Variants in GAP43 observed in about 807,000 individuals in gnomAD.
GAP43 encodes neuromodulin.
In GAP43, 6 loss-of-function variants were observed where a neutral mutation model predicts 18.6. That is an observed-to-expected ratio of 0.32 (90% CI 0.18 to 0.64). The LOEUF (loss-of-function observed/expected upper bound fraction) is 0.64. GAP43 is among the 30% of genes least tolerant of loss of function. The pLI, the probability that GAP43 is intolerant of heterozygous loss-of-function variation, is 0.78. For synonymous variants in GAP43, 115 were observed against 111.4 expected (o/e 1.03, Z -0.20); for missense variants, 292 against 295.5 (o/e 0.99, Z 0.09).
intron 1 of GAP43, among the ~76,000 whole-genome samples, chr3:115,649,622 G>C (rs1366653706): frequency 6.6e-6 from 1 of 151,898 alleles, no homozygotes; most frequent in Non-Finnish European, 1.5e-5. Flanking sequence ...AAAGGAAAAA[G>C]AAGAGGACAA....
chr3:115,690,223 C>T (rs28399398), intron 2 of GAP43, among the ~76,000 whole-genome samples: 3 of 150,346 alleles, frequency 2.0e-5, no homozygotes, highest in African/African-American at 4.9e-5. Flanking sequence ...GAGACCCCCC[C>T]GCCACCCCCT....
Position 115,644,357 on chromosome 3 carries a change from G to C in GAP43, c.30+20638G>C, listed in dbSNP as rs988627843. ...ATAGTTTTTGGACAGGACTATCAGG[G>C]TGATGAATGGGTGAGAGTGGGAGGA... On this transcript the variant is annotated intron_variant, in intron 1 of 2. Transcript: ENST00000305124. The surrounding 1 kb of genome is among the most constrained non-coding windows in gnomAD (Gnocchi z 4.2). Among the ~76,000 whole-genome samples the C allele has an allele frequency of 1.3e-5, 2 of 151,986 alleles. No homozygotes were observed. Among genetic ancestry groups the C allele is most frequent in the Non-Finnish European group, 2.9e-5 (2 of 67,956 alleles).
intron 1 of GAP43, among the ~76,000 whole-genome samples, chr3:115,657,886 G>C (rs1420205806): frequency 1.3e-5 from 2 of 152,054 alleles, no homozygotes; most frequent in East Asian, 3.9e-4. Flanking sequence ...TAGATGACTG[G>C]TATTAATCTG....
intron 2 of GAP43, among the ~76,000 whole-genome samples, chr3:115,690,269 C>T (rs1168705426): frequency 1.4e-5 from 2 of 139,828 alleles, no homozygotes; most frequent in African/African-American, 2.6e-5. Context: ...CAGCATCAGT[C>T]CCCAGCCAGC....
At chr3:115,712,995 T>G (rs942139832) in intron 2 of GAP43, among the ~76,000 whole-genome samples, 2 of 152,164 alleles carry the variant, frequency 1.3e-5, no homozygotes, top group African/African-American at 4.8e-5. Context: ...ATATACTGGC[T>G]CAGTGTTTTG....
intron 2 of GAP43, among the ~76,000 whole-genome samples, chr3:115,707,239 G>T (rs1007909167): frequency 2.0e-5 from 3 of 152,012 alleles, no homozygotes; most frequent in African/African-American, 7.3e-5. Flanking sequence ...GCAGTGAGAG[G>T]TTAAGTAATT....
At chr3:115,704,412 C>G (rs1709335171) in intron 2 of GAP43, among the ~76,000 whole-genome samples, 1 of 152,070 alleles carries the variant, frequency 6.6e-6, no homozygotes, top group Non-Finnish European at 1.5e-5. Flanking sequence ...CAAATGCTAA[C>G]TATTCAACCT....
chr3:115,676,788 C>T (rs984414166), intron 2 of GAP43, among the ~76,000 whole-genome samples, 178 bp downstream of exon 2: 1 of 151,598 alleles, frequency 6.6e-6, no homozygotes, highest in Non-Finnish European at 1.5e-5. Context: ...AGGTTACATT[C>T]CCAAATATCT....
intron 2 of GAP43, among the ~76,000 whole-genome samples, chr3:115,704,690 G>A (rs1709339125): frequency 1.3e-5 from 2 of 152,036 alleles, no homozygotes; most frequent in African/African-American, 4.8e-5. Context: ...GTACATTTAG[G>A]ACTCTGGGAA....
chr3:115,697,198 AT>A (rs2107363148), intron 2 of GAP43, among the ~76,000 whole-genome samples: 1 of 1,986 alleles, frequency 5.0e-4, no homozygotes, highest in Non-Finnish European at 2.2e-3. Flanking sequence ...ACATTTATTT[AT>A]TTATAATAAT....
chr3:115,685,851 T>G (rs1709025078), intron 2 of GAP43, among the ~76,000 whole-genome samples: 1 of 152,218 alleles, frequency 6.6e-6, no homozygotes. Context: ...ATTGGTGGTT[T>G]AATTATAATA....
At chr3:115,647,385 A>C (rs1708469141) in intron 1 of GAP43, among the ~76,000 whole-genome samples, 1 of 152,008 alleles carries the variant, frequency 6.6e-6, no homozygotes, top group Non-Finnish European at 1.5e-5. Context: ...GAACTAAAAC[A>C]GAGAAGAAAG....
intron 2 of GAP43, among the ~76,000 whole-genome samples, chr3:115,716,420 G>T (rs1039913045): frequency 6.6e-6 from 1 of 151,970 alleles, no homozygotes; most frequent in Non-Finnish European, 1.5e-5. Flanking sequence ...CAGGTGTATT[G>T]TCCACATCTG....
At chr3:115,626,307 A>AG (rs1041798447) in intron 1 of GAP43, among the ~76,000 whole-genome samples, 26 of 152,160 alleles carry the variant, frequency 1.7e-4, no homozygotes, top group Non-Finnish European at 1.5e-5. Flanking sequence ...GAAACGTGGG[A>AG]GGGGGGCTGA....
chr3:115,714,065 A>G (rs1157634484), intron 2 of GAP43, among the ~76,000 whole-genome samples: 1 of 152,206 alleles, frequency 6.6e-6, no homozygotes, highest in African/African-American at 2.4e-5. Flanking sequence ...ATAAATTCCA[A>G]TAACTTAGAG....
intron 1 of GAP43, among the ~76,000 whole-genome samples, chr3:115,654,821 C>T (rs1318251243): frequency 6.6e-6 from 1 of 152,060 alleles, no homozygotes; most frequent in African/African-American, 2.4e-5. Flanking sequence ...ATACCAAGTC[C>T]ATTTTCCAGA....
At chr3:115,625,387 C>G (rs1036722869) in intron 1 of GAP43, among the ~76,000 whole-genome samples, 5 of 152,014 alleles carry the variant, frequency 3.3e-5, no homozygotes, top group Non-Finnish European at 4.4e-5. Flanking sequence ...GGCATTTTCT[C>G]TCTGTGTCCT....
chr3:115,694,043 G>A (rs1252362181), intron 2 of GAP43, among the ~76,000 whole-genome samples: 1 of 152,060 alleles, frequency 6.6e-6, no homozygotes, highest in African/African-American at 2.4e-5. Context: ...GTGGGCTGGC[G>A]GAGGGTGGAG....
rs781732711 is a variant in GAP43, at chr3:115,676,182, A to G, written c.200A>G (p.Asn67Ser). The stretch of plus-strand genomic sequence containing the variant: ...GTCCAAGCTGCTGAGGCTGAAGCTA[A>G]TAAGAAGGATGAAGCCCCTGTTGCC... ...DDVQAAEAEA[N>S]KKDEAPVADG... The change falls in exon 2 of 3, where the codon AAT (asparagine) becomes AGT (serine). Residue 67 changes from asparagine to serine, a missense_variant. By Grantham distance (46) the Asn-to-Ser change is conservative. Coordinates refer to ENST00000305124, the MANE Select transcript of GAP43 (RefSeq NM_002045.4). 4.3e-6 allele frequency: 7 copies of G among 1,614,190 alleles called. No homozygotes were observed. The South Asian group carries it at 6.6e-5, about 15-fold the overall frequency.
Sources: allele counts gnomAD v4.1 joint callset (sites outside exome capture counted in the v4.1 genomes callset), GRCh38; gene constraint gnomAD v4.1.1; non-coding constraint Gnocchi (gnomAD v3.1); transcripts MANE v1.5; gene names NCBI Gene and HGNC (gene_info 2026-07-23, HGNC 2026-07-21).